CENPF: variants seen among roughly 807,000 people sequenced by gnomAD.
CENPF encodes the protein centromere protein F.
CENPF carries 214 observed loss-of-function variants against 307.3 expected under a neutral mutation model. The observed-to-expected ratio is 0.70, with a 90% CI of 0.62 to 0.78. The LOEUF is 0.78. Ranked by LOEUF, CENPF falls within the 30% of genes least tolerant of loss-of-function variation. The pLI is 0.00. For missense variants in CENPF, 3,401 were observed against 3,483.9 expected (o/e 0.98, Z 0.60); for synonymous variants, 1,259 against 1,270.6 (o/e 0.99, Z 0.19).
At chr1:214,635,152 C>G (rs1052568620) in intron 10 of CENPF, among the ~76,000 whole-genome samples, 2 of 152,166 alleles carry the variant, frequency 1.3e-5, no homozygotes, top group Non-Finnish European at 2.9e-5. Context: ...TACACTAGGT[C>G]CTCTAAGGAG....
At chr1:214,605,619 CGG>C in intron 1 of CENPF, 1 of 1,435,932 alleles carries the variant, frequency 7.0e-7, no homozygotes, top group South Asian at 1.2e-5. Context: ...GGGGCCGGCG[CGG>C]GGTGAGGTCC....
chr1:214,604,903 T>C (rs1369700589), intron 1 of CENPF, among the ~76,000 whole-genome samples: 1 of 152,220 alleles, frequency 6.6e-6, no homozygotes, highest in Admixed American at 6.5e-5. Context: ...ATATCCAACT[T>C]ATATGTTGTC....
intron 7 of CENPF, among the ~76,000 whole-genome samples, chr1:214,625,371 C>T (rs1014497987): frequency 2.0e-5 from 3 of 152,060 alleles, no homozygotes; most frequent in African/African-American, 4.8e-5. Flanking sequence ...CAGGCACCCA[C>T]GACCATGCCC....
rs775956266 is a variant in CENPF at position 214,646,451 on chromosome 1, A to G, written c.6881A>G (p.Glu2294Gly). The change falls in exon 13 of 20, where the codon GAG becomes GGG. Residue 2294 changes from glutamate to glycine, a missense_variant. Glu to Gly is a moderately conservative substitution (Grantham distance 98, BLOSUM62 -2). Transcript: ENST00000366955. ...ATEQSLDPPI[E>G]EEHQLRNSIE... ...GAACAGAGTCTAGACCCACCAATAG[A>G]GGAAGAGCATCAGCTGAGAAATAGC... 6.2e-7 allele frequency: 1 copy of G among 1,614,146 alleles called. No homozygotes were observed. Among genetic ancestry groups the G allele is most frequent in the South Asian group, 1.1e-5 (1 of 91,088 alleles).
At chr1:214,652,068 A>T (rs1157070349) in intron 15 of CENPF, among the ~76,000 whole-genome samples, 182 bp downstream of exon 15, 7 of 127,092 alleles carry the variant, frequency 5.5e-5, no homozygotes, top group African/African-American at 1.5e-4. Flanking sequence ...TTATCAGTTG[A>T]TTTTTTTTTT....
chr1:214,645,453 C>T lies in CENPF; in HGVS notation c.5883C>T (p.Asn1961=). ...TCTCAGTGGTCACAAGTGAGAGAAACCAGCTTCGTGGAGAATTAGATACTA... is the reference window on the plus strand; with the variant it reads ...TCTCAGTGGTCACAAGTGAGAGAAATCAGCTTCGTGGAGAATTAGATACTA... ...EELSVVTSER[N]QLRGELDTMS... Residue 1961 remains asparagine, a synonymous_variant, in exon 13 of 20, where the codon AAC becomes AAT. Transcript: ENST00000366955. The T allele has an allele frequency of 1.2e-6, 2 of 1,613,832 alleles. No individual in the cohort carries two copies. The highest frequency in any genetic ancestry group is 1.7e-6 in the Non-Finnish European group (2 of 1,179,948).
chr1:214,657,716 C>T (rs1438048162), intron 18 of CENPF, among the ~76,000 whole-genome samples: 2 of 152,186 alleles, frequency 1.3e-5, no homozygotes, highest in South Asian at 2.1e-4. Context: ...GTTTCCTACC[C>T]GTTGGTCATG....
At chr1:214,624,248 C>T (rs1404369023) in intron 7 of CENPF, among the ~76,000 whole-genome samples, 1 of 151,568 alleles carries the variant, frequency 6.6e-6, no homozygotes, top group Non-Finnish European at 1.5e-5. Context: ...CTTTTTTTCC[C>T]CTGCCATCTT....
rs749077632 is a variant in CENPF at position 214,647,018 on chromosome 1, C to T, written c.7448C>T (p.Ala2483Val). ...SQVECLELEK[A>V]QLLQGLDEAK... is the part of the protein sequence containing the mutation. ...GTAGAGTGTCTTGAACTTGAGAAGGCTCAGTTGCTACAAGGCCTTGATGAG... is the reference window on the plus strand; with the variant it reads ...GTAGAGTGTCTTGAACTTGAGAAGGTTCAGTTGCTACAAGGCCTTGATGAG... The change falls in exon 13 of 20, where the codon GCT becomes GTT. Residue 2483 changes from alanine (A) to valine (V), a missense_variant. Transcript: ENST00000366955. 3.1e-6 allele frequency: 5 copies of T among 1,613,930 alleles called. No homozygotes were observed. Among genetic ancestry groups the T allele is most frequent in the Admixed American group, 1.7e-5 (1 of 59,966 alleles).
In CENPF at chr1:214,606,033, C is replaced by T. The variant is rs555613884; in HGVS notation, c.-42+2712C>T. ...GCCAGGTCCACGGTGGGCACCGTGCCGATGCTCTGCCCGTACAGGATGATG... is the reference window on the plus strand; with the variant it reads ...GCCAGGTCCACGGTGGGCACCGTGCTGATGCTCTGCCCGTACAGGATGATG... On this transcript the variant is annotated intron_variant, in intron 1 of 19. Coordinates refer to ENST00000366955, the MANE Select transcript of CENPF (RefSeq NM_016343.4). 105 of 1,595,934 alleles carry T rather than the reference C, an allele frequency of 6.6e-5. 1 individual carries two copies. The South Asian group carries it at 1.0e-3, about 16-fold the overall frequency.
rs756840633 is a variant in CENPF, at chr1:214,659,045, A to G, written c.9141+17A>G. The G allele has an allele frequency of 1.6e-5, 26 of 1,613,238 alleles. No individual in the cohort carries two copies. Among genetic ancestry groups the G allele is most frequent in the Non-Finnish European group, 1.9e-5 (22 of 1,179,610 alleles). Reference sequence around the variant, plus strand: ...TCACAAAAGGTAAACTACTGTCAACATCCGTCTACTGTTTGAGATCCAGAA... The same window carrying G: ...TCACAAAAGGTAAACTACTGTCAACGTCCGTCTACTGTTTGAGATCCAGAA... On this transcript the variant is annotated intron_variant, in intron 19 of 19. Transcript: ENST00000366955. The surrounding 1 kb of genome is among the most constrained non-coding windows in gnomAD (Gnocchi z 4.4).
intron 5 of CENPF, among the ~76,000 whole-genome samples, chr1:214,619,630 C>T (rs1245607589): frequency 2.6e-5 from 4 of 151,950 alleles, no homozygotes; most frequent in South Asian, 2.1e-4. Context: ...TTTTTGTTCA[C>T]GTGTTATTTG....
In CENPF at chr1:214,664,413, G is replaced by A. The variant is rs921113335; in HGVS notation, c.*619G>A. On this transcript the variant is annotated 3_prime_UTR_variant, in exon 20 of 20. Coordinates refer to ENST00000366955, the MANE Select transcript of CENPF (RefSeq NM_016343.4). ...GTGTTTATTTCCAGTGAGGGCTGCA[G>A]GCTTCCTAGAGGTGTGCTATACCAT... is the stretch of plus-strand genomic sequence containing the variant. 6.6e-6 allele frequency: 1 copy of A among 152,308 alleles called. No homozygotes were observed. Among genetic ancestry groups the A allele is most frequent in the Non-Finnish European group, 1.5e-5 (1 of 68,146 alleles). The allele number at this position is 152,308 out of a possible 1,614,324, so 9.4% of individuals were successfully genotyped here. A position where few individuals can be genotyped will look rare whatever the true frequency, so the allele number is the denominator to read the frequency against.
chr1:214,627,036 CAGCTCTGGTTTTCTATTAG>C (rs1657673465), intron 7 of CENPF, among the ~76,000 whole-genome samples: 1 of 152,144 alleles, frequency 6.6e-6, no homozygotes, highest in Admixed American at 6.5e-5. Context: ...GCTGAGAATA[CAGCTCTGGTTTTCTATTAG>C]AGTCTTCCCT....
chr1:214,663,729 C>T lies in CENPF; in HGVS notation c.9280C>T (p.Arg3094Ter), dbSNP rs869312748. ...AGAGGGCCTGAGGGTCAAGCGAGGC[C>T]GACTTGTCCCCAGCCCCAAAGCTGG... Reference protein sequence around the residue: ...PREGLRVKRGRLVPSPKAGLE... With the variant: ...PREGLRVKRG The change falls in exon 20 of 20, where the codon CGA becomes TGA. Residue 3094 changes from arginine (R) to a stop codon, truncating the protein, a stop_gained. Coordinates refer to ENST00000366955, the MANE Select transcript of CENPF (RefSeq NM_016343.4). LOFTEE classifies it low-confidence loss of function (END_TRUNC). The T allele has an allele frequency of 6.8e-6, 11 of 1,613,934 alleles. No homozygotes were observed. The highest frequency in any genetic ancestry group is 5.9e-6 in the Non-Finnish European group (7 of 1,180,052).
chr1:214,652,159 C>T (rs1380941233), intron 15 of CENPF, among the ~76,000 whole-genome samples: 1 of 150,614 alleles, frequency 6.6e-6, no homozygotes, highest in African/African-American at 2.5e-5. Flanking sequence ...CCTCAGCCTC[C>T]CGAGTAGCTG....
chr1:214,615,080 G>T (rs778127542), intron 3 of CENPF, 52 bp downstream of exon 3: 5 of 1,253,528 alleles, frequency 4.0e-6, no homozygotes, highest in East Asian at 2.5e-5. Context: ...GTATTAATCA[G>T]ATGCGTTTGT....
chr1:214,662,146 A>G (rs959935360), intron 19 of CENPF, among the ~76,000 whole-genome samples: 2 of 151,888 alleles, frequency 1.3e-5, no homozygotes, highest in African/African-American at 4.8e-5. Context: ...TCTGTTTCCT[A>G]TGGGCTATCT....
At chr1:214,648,122 A>G in intron 13 of CENPF, 1 of 346,984 alleles carries the variant, frequency 2.9e-6, no homozygotes, top group Non-Finnish European at 5.8e-6. Context: ...ACTATCCACA[A>G]AATTCATCTC....
Sources: gnomAD v4.1 joint callset for allele counts (sites outside exome capture counted in the v4.1 genomes callset) on GRCh38, gnomAD v4.1.1 for gene constraint, Gnocchi (gnomAD v3.1) non-coding constraint, MANE v1.5 for transcripts, NCBI Gene and HGNC (gene_info 2026-07-23, HGNC 2026-07-21) for gene names.